Variants in TMEM163 observed in about 807,000 individuals in gnomAD.
TMEM163 encodes transmembrane protein 163.
Under a neutral mutation model 29.3 loss-of-function variants are expected in TMEM163, and 17 were observed. That is an observed-to-expected ratio of 0.58 (90% CI 0.40 to 0.87). The LOEUF (loss-of-function observed/expected upper bound fraction) is 0.87, where lower values mean the gene tolerates loss of function less well. Ranked by LOEUF, TMEM163 falls within the 40% of genes least tolerant of loss-of-function variation. The pLI, the probability that TMEM163 is intolerant of heterozygous loss-of-function variation, is 0.00. For missense variants in TMEM163, 303 were observed against 381.5 expected, an observed-to-expected ratio of 0.79 and a Z score of 1.71; for synonymous variants, 157 against 160.6, an observed-to-expected ratio of 0.98 and a Z score of 0.17.
At position 134,501,537 on chromosome 2, in the gene TMEM163, G is replaced by A. The variant is rs116182508; in HGVS notation, c.555+1364C>T. Among the ~76,000 whole-genome samples, 449 of 152,310 alleles carry A rather than the reference G, an allele frequency of 2.9e-3. 1 individual carries two copies. The highest frequency in any genetic ancestry group is 0.01 in the African/African-American group (420 of 41,564). On this transcript the variant is annotated intron_variant, in intron 5 of 7. Transcript: ENST00000281924. ...CCAACAAACATTTCTCAGAGTGGAG[G>A]CATATTTGCAAGGCCTATAAAACGT... is the stretch of plus-strand genomic sequence containing the variant.
chr2:134,689,287 T>C (rs1684413023), intron 2 of TMEM163, among the ~76,000 whole-genome samples: 1 of 151,970 alleles, frequency 6.6e-6, no homozygotes, highest in Non-Finnish European at 1.5e-5. Flanking sequence ...TTTGTATTTT[T>C]AGTAGAGATG....
At chr2:134,673,330 T>C (rs115406549) in intron 2 of TMEM163, among the ~76,000 whole-genome samples, 107 of 152,284 alleles carry the variant, frequency 7.0e-4, no homozygotes, top group Non-Finnish European at 1.0e-3. Flanking sequence ...TCAGCCACTA[T>C]GAATGCAGAT....
At chr2:134,564,418 T>C (rs1235912941) in intron 2 of TMEM163, among the ~76,000 whole-genome samples, 2 of 152,156 alleles carry the variant, frequency 1.3e-5, no homozygotes, top group Non-Finnish European at 1.5e-5. Flanking sequence ...AAGGTTAACA[T>C]AGGAGAGGTC....
intron 2 of TMEM163, among the ~76,000 whole-genome samples, chr2:134,698,144 C>T (rs1684620507): frequency 6.6e-6 from 1 of 152,164 alleles, no homozygotes; most frequent in South Asian, 2.1e-4. Flanking sequence ...AGCATTCTTG[C>T]CCTCCACCCA....
intron 2 of TMEM163, among the ~76,000 whole-genome samples, chr2:134,578,064 T>C (rs1681606797): frequency 6.6e-6 from 1 of 152,016 alleles, no homozygotes; most frequent in Non-Finnish European, 1.5e-5. Context: ...ACTTCTATCA[T>C]AAAAAAAGAA....
intron 2 of TMEM163, among the ~76,000 whole-genome samples, chr2:134,555,389 A>G (rs1192533493): frequency 6.6e-6 from 1 of 152,228 alleles, no homozygotes; most frequent in Admixed American, 6.5e-5. Context: ...ATTACATGGT[A>G]GAGGCACCTG....
intron 2 of TMEM163, among the ~76,000 whole-genome samples, chr2:134,701,810 T>C (rs1469655846): frequency 6.8e-6 from 1 of 147,708 alleles, no homozygotes; most frequent in Non-Finnish European, 1.5e-5. Context: ...CCCAGCTCCT[T>C]GGGAGGCTGA....
chr2:134,533,155 G>C (rs1056120518), intron 4 of TMEM163, among the ~76,000 whole-genome samples: 31 of 152,102 alleles, frequency 2.0e-4, no homozygotes, highest in African/African-American at 7.5e-4. Context: ...GCAAGAAATG[G>C]AACAACTCAG....
At chr2:134,641,042 G>T (rs1683210913) in intron 2 of TMEM163, among the ~76,000 whole-genome samples, 1 of 152,220 alleles carries the variant, frequency 6.6e-6, no homozygotes, top group Non-Finnish European at 1.5e-5. Context: ...GAACATGGAT[G>T]AAGATGCAGT....
chr2:134,668,679 C>T (rs1308191519), intron 2 of TMEM163, among the ~76,000 whole-genome samples: 1 of 151,716 alleles, frequency 6.6e-6, no homozygotes, highest in Non-Finnish European at 1.5e-5. Flanking sequence ...GCCCTTTCTC[C>T]TCTCCACCCC....
At chr2:134,700,949 A>AATACATAAATAC (rs1553495693) in intron 2 of TMEM163, among the ~76,000 whole-genome samples, 5 of 136,770 alleles carry the variant, frequency 3.7e-5, no homozygotes, top group Admixed American at 1.5e-4. Context: ...TAAATAAATA[A>AATACATAAATAC]AGTAAAAAAT....
intron 2 of TMEM163, among the ~76,000 whole-genome samples, chr2:134,583,786 C>G (rs1681749919): frequency 6.6e-6 from 1 of 152,138 alleles, no homozygotes; most frequent in Admixed American, 6.5e-5. Flanking sequence ...ATGAGATGCC[C>G]CCTGCTCTCA....
chr2:134,615,865 C>T (rs1682599519), intron 2 of TMEM163, among the ~76,000 whole-genome samples: 1 of 152,052 alleles, frequency 6.6e-6, no homozygotes, highest in Admixed American at 6.6e-5. Flanking sequence ...CCATGTTGGC[C>T]AGACTGGTCT....
At chr2:134,544,816 C>T (rs2106504944) in intron 4 of TMEM163, among the ~76,000 whole-genome samples, 1 of 152,152 alleles carries the variant, frequency 6.6e-6, no homozygotes, top group South Asian at 2.1e-4. Flanking sequence ...AAATAAATAT[C>T]CAGTTCCTCA....
At chr2:134,691,987 G>A (rs1684478948) in intron 2 of TMEM163, among the ~76,000 whole-genome samples, 1 of 152,138 alleles carries the variant, frequency 6.6e-6, no homozygotes, top group African/African-American at 2.4e-5. Context: ...AACCGTAGCA[G>A]GAGTGATGAC....
intron 4 of TMEM163, among the ~76,000 whole-genome samples, chr2:134,526,182 T>A (rs1327030099): frequency 6.6e-6 from 1 of 152,214 alleles, no homozygotes; most frequent in African/African-American, 2.4e-5. Flanking sequence ...TACCTTCGCA[T>A]TTCACACTTG....
chr2:134,539,807 T>G (rs1256804703), intron 4 of TMEM163, among the ~76,000 whole-genome samples: 1 of 151,990 alleles, frequency 6.6e-6, no homozygotes, highest in Admixed American at 6.6e-5. Context: ...AAGACAGCTG[T>G]GGGGAAAACA....
chr2:134,515,385 T>C (rs1172944583), intron 4 of TMEM163, among the ~76,000 whole-genome samples: 1 of 152,194 alleles, frequency 6.6e-6, no homozygotes, highest in African/African-American at 2.4e-5. Context: ...CAGCATAACA[T>C]GGTTAATTAA....
At chr2:134,650,310 TA>T (rs938927671) in intron 2 of TMEM163, among the ~76,000 whole-genome samples, 2 of 151,968 alleles carry the variant, frequency 1.3e-5, no homozygotes, top group African/African-American at 4.8e-5. Context: ...ACTTTTTACT[TA>T]AAAAAATCAA....
Sources: allele counts gnomAD v4.1 joint callset (sites outside exome capture counted in the v4.1 genomes callset), GRCh38; gene constraint gnomAD v4.1.1; transcripts MANE v1.5; gene names NCBI Gene and HGNC (gene_info 2026-07-23, HGNC 2026-07-21).